LGR4: variants seen among roughly 807,000 people sequenced by gnomAD.
LGR4 encodes the protein leucine rich repeat containing G protein-coupled receptor 4.
In LGR4, 44 loss-of-function variants were observed where a neutral mutation model predicts 84.8. The observed-to-expected ratio is 0.52, with a 90% CI of 0.41 to 0.67. The LOEUF (loss-of-function observed/expected upper bound fraction) is 0.67, where lower values mean the gene tolerates loss of function less well. Ranked by LOEUF, LGR4 falls within the 30% of genes least tolerant of loss-of-function variation. The pLI, the probability that LGR4 is intolerant of heterozygous loss-of-function variation, is 0.00. For missense variants in LGR4, 1,032 were observed against 1,131.4 expected (o/e 0.91, Z 1.26); for synonymous variants, 429 against 434.3 (o/e 0.99, Z 0.15).
intron 1 of LGR4, among the ~76,000 whole-genome samples, chr11:27,414,195 A>C (rs368129571): frequency 7.3e-4 from 111 of 152,266 alleles, no homozygotes; most frequent in African/African-American, 1.3e-3. Context: ...ACCAGAGCCC[A>C]TGACCTTAAG....
At chr11:27,390,345 A>T (rs1196811271) in intron 4 of LGR4, among the ~76,000 whole-genome samples, 1 of 152,204 alleles carries the variant, frequency 6.6e-6, no homozygotes, top group African/African-American at 2.4e-5. Flanking sequence ...ACCAGCACAC[A>T]TAAGGGTGAT....
intron 1 of LGR4, among the ~76,000 whole-genome samples, chr11:27,466,631 T>A (rs1264629123): frequency 6.6e-6 from 1 of 152,194 alleles, no homozygotes; most frequent in Non-Finnish European, 1.5e-5. Flanking sequence ...AAATGTTACC[T>A]TACAATCCTA....
intron 1 of LGR4, among the ~76,000 whole-genome samples, chr11:27,465,365 G>A (rs1565102513): frequency 1.3e-5 from 2 of 152,310 alleles, no homozygotes; most frequent in Non-Finnish European, 2.9e-5. Context: ...GGGAAGACCA[G>A]GCTAGTGAGC....
chr11:27,399,937 C>T (rs1476312681), intron 2 of LGR4, among the ~76,000 whole-genome samples: 3 of 152,164 alleles, frequency 2.0e-5, no homozygotes, highest in African/African-American at 7.2e-5. Flanking sequence ...GAAATAAAAA[C>T]TGAAAGAGGT....
At position 27,398,918 on chromosome 11, in the gene LGR4, T is replaced by C. The variant is rs568964636; in HGVS notation, c.258-6400A>G. Among the ~76,000 whole-genome samples, 4 of 152,302 alleles carry C rather than the reference T, an allele frequency of 2.6e-5. No homozygotes were observed. In the East Asian group the frequency reaches 5.8e-4, roughly 22 times the overall value. ...CTCTTTCTCTCTCTCTCTCTTTCTC[T>C]TTTTTGAGACGGAGTTTCATTCTTG... On this transcript the variant is annotated intron_variant, in intron 2 of 17. Transcript: ENST00000379214.
At chr11:27,435,634 C>A (rs1211259479) in intron 1 of LGR4, among the ~76,000 whole-genome samples, 2 of 151,150 alleles carry the variant, frequency 1.3e-5, no homozygotes, top group African/African-American at 4.9e-5. Flanking sequence ...ATTACAGATG[C>A]CTGCCACCAC....
At chr11:27,411,565 C>G (rs549687317) in intron 2 of LGR4, among the ~76,000 whole-genome samples, 2 of 152,050 alleles carry the variant, frequency 1.3e-5, no homozygotes, top group Non-Finnish European at 2.9e-5. Flanking sequence ...AAGCATTTAA[C>G]ATAAATGAAT....
At chr11:27,382,314 G>A in intron 6 of LGR4, 58 bp from the exon 7 acceptor site, 1 of 1,138,546 alleles carries the variant, frequency 8.8e-7, no homozygotes, top group Non-Finnish European at 1.3e-6. Flanking sequence ...TAATTCATAA[G>A]GCATTTTGTT....
intron 1 of LGR4, among the ~76,000 whole-genome samples, chr11:27,426,770 G>A (rs968888784): frequency 6.6e-6 from 1 of 152,076 alleles, no homozygotes. Context: ...AGACCCAGAG[G>A]GGTTAAATAA....
chr11:27,415,397 T>C (rs958262413), intron 1 of LGR4, among the ~76,000 whole-genome samples: 2 of 152,090 alleles, frequency 1.3e-5, no homozygotes, highest in Non-Finnish European at 2.9e-5. Context: ...AAAAGACACA[T>C]AATTAGAGAC....
chr11:27,424,916 C>A (rs1590383149), intron 1 of LGR4, among the ~76,000 whole-genome samples: 2 of 151,988 alleles, frequency 1.3e-5, no homozygotes, highest in Admixed American at 1.3e-4. Context: ...CCTGGCTAAT[C>A]TTTGTATTTG....
At chr11:27,427,985 A>G (rs1265248321) in intron 1 of LGR4, among the ~76,000 whole-genome samples, 1 of 152,214 alleles carries the variant, frequency 6.6e-6, no homozygotes, top group Non-Finnish European at 1.5e-5. Context: ...TTACAAATGC[A>G]TACATTAGGT....
intron 1 of LGR4, among the ~76,000 whole-genome samples, chr11:27,413,390 A>G (rs113861434): frequency 1.5e-3 from 231 of 152,268 alleles, no homozygotes; most frequent in African/African-American, 5.4e-3. Flanking sequence ...CAGGCTAAGG[A>G]CAAGTGCGTA....
chr11:27,471,981 A>G (rs187554936), intron 1 of LGR4, 137 bp downstream of exon 1: 4 of 511,050 alleles, frequency 7.8e-6, no homozygotes, highest in Non-Finnish European at 1.2e-5. Flanking sequence ...CACGCAGGTG[A>G]CCGGCGGACC....
intron 1 of LGR4, among the ~76,000 whole-genome samples, chr11:27,466,753 A>G (rs1864784197): frequency 6.6e-6 from 1 of 152,108 alleles, no homozygotes. Flanking sequence ...GTGTTAAGGA[A>G]CCCTAAGTGA....
intron 9 of LGR4, 86 bp downstream of exon 9, chr11:27,380,554 T>C (rs1863072972): frequency 1.0e-6 from 1 of 994,346 alleles, no homozygotes; most frequent in Admixed American, 2.4e-5. Flanking sequence ...AAGATTTTGT[T>C]TTCTGGAGTT....
intron 1 of LGR4, among the ~76,000 whole-genome samples, chr11:27,432,805 C>T (rs946620664): frequency 7.2e-5 from 11 of 152,284 alleles, no homozygotes; most frequent in Non-Finnish European, 1.2e-4. Flanking sequence ...TATATTCTTC[C>T]GCTCTGGCTA....
chr11:27,431,190 G>C (rs571128883), intron 1 of LGR4, among the ~76,000 whole-genome samples: 1 of 152,012 alleles, frequency 6.6e-6, no homozygotes, highest in African/African-American at 2.4e-5. Flanking sequence ...ACTGAGCGAG[G>C]GGTTCTCAGA....
rs1332250289 is a variant in LGR4, at chr11:27,368,418, C to T, written c.2305G>A (p.Ala769Thr). The change falls in exon 18 of 18, where the codon GCA (alanine) becomes ACA (threonine). Residue 769 changes from alanine to threonine, a missense_variant. Physicochemically the swap from Ala to Thr is moderately conservative, Grantham distance 58. Transcript: ENST00000379214. ...ATAGAGATTGCAGTGATCAATGGTG[C>T]AAATGAAAAAAACGCCACAGGGCAG... is the stretch of plus-strand genomic sequence containing the variant. Reference protein sequence around the residue: ...FFCPVAFFSFAPLITAISISP... With the variant: ...FFCPVAFFSFTPLITAISISP... 2 of 1,609,926 alleles carry T rather than the reference C, an allele frequency of 1.2e-6. No homozygotes were observed. Among genetic ancestry groups the T allele is most frequent in the South Asian group, 2.2e-5 (2 of 90,896 alleles).
Sources: gnomAD v4.1 joint callset for allele counts (sites outside exome capture counted in the v4.1 genomes callset) on GRCh38, gnomAD v4.1.1 for gene constraint, MANE v1.5 for transcripts, NCBI Gene and HGNC (gene_info 2026-07-23, HGNC 2026-07-21) for gene names.